Variants in SLC30A4 observed in about 807,000 individuals in gnomAD.
SLC30A4 encodes probable proton-coupled zinc antiporter SLC30A4.
A neutral mutation model predicts 41.7 loss-of-function variants in SLC30A4; 20 were observed. The observed-to-expected ratio is 0.48, with a 90% CI of 0.34 to 0.70. The LOEUF is 0.70. SLC30A4 is among the 30% of genes least tolerant of loss of function. The pLI is 0.01. For synonymous variants in SLC30A4, 181 were observed against 195.9 expected (o/e 0.92, Z 0.64); for missense variants, 441 against 529.3 (o/e 0.83, Z 1.64).
rs759081795 is a variant in SLC30A4, at chr15:45,488,972, T to C, written c.763A>G (p.Thr255Ala). The change falls in exon 5 of 8, where the codon ACC becomes GCC. Residue 255 changes from threonine to alanine, a missense_variant. By Grantham distance (58) the Thr-to-Ala change is moderately conservative (BLOSUM62 0). Around this residue, in one of 3 missense-constraint regions of SLC30A4, gnomAD observed 312 missense variants for 341.9 expected, o/e 0.91. Coordinates refer to ENST00000261867, the MANE Select transcript of SLC30A4 (RefSeq NM_013309.6). ...TTACGTTCACACCCAGAACCTCTGG[T>C]AGGGGAATTTGAAGGCAGGGAGTGG... ...HSHSLPSNSP[T>A]RGSGCERNHG... 1 of 1,613,938 alleles carries C rather than the reference T, an allele frequency of 6.2e-7. No individual in the cohort carries two copies. Among genetic ancestry groups the C allele is most frequent in the South Asian group, 1.1e-5 (1 of 91,078 alleles).
intron 3 of SLC30A4, chr15:45,502,647 G>A (rs1478953670): frequency 6.6e-6 from 1 of 152,542 alleles, no homozygotes; most frequent in Non-Finnish European, 1.5e-5. Context: ...CTCCCAAAGT[G>A]CTGCAATTAG....
rs1891611505 is a variant in SLC30A4, at chr15:45,482,116, T to C, written c.*3047A>G. ...ACAAAGGTTTGCAGTGTTTCTGTAT[T>C]TTACAAAAGGATTCTTTTTGGCTGG... On this transcript the variant is annotated 3_prime_UTR_variant, in exon 8 of 8. Transcript: ENST00000261867. 6.6e-6 allele frequency: 1 copy of C among 150,600 alleles called. No individual in the cohort carries two copies. The highest frequency in any genetic ancestry group is 1.9e-4 in the East Asian group (1 of 5,208). The allele number at this position is 150,600 out of a possible 1,614,324, so 9.3% of individuals were successfully genotyped here.
chr15:45,500,646 ATCT>A (rs761340957), intron 3 of SLC30A4, among the ~76,000 whole-genome samples: 1 of 135,138 alleles, frequency 7.4e-6, no homozygotes, highest in African/African-American at 3.8e-5. Context: ...CTATCTATCT[ATCT>A]ATCTATCTAT....
rs1369155918 is a variant in SLC30A4, at chr15:45,481,701, GGA to G, written c.*3460_*3461del. On this transcript the variant is annotated 3_prime_UTR_variant, in exon 8 of 8. Coordinates refer to ENST00000261867, the MANE Select transcript of SLC30A4 (RefSeq NM_013309.6). ...GCATGGTTGTAGCTCAACAAGTGAA[GGA>G]TAGACCAAACGCTTTTTGTCAGAAG... The G allele has an allele frequency of 1.6e-4, 25 of 152,150 alleles. No homozygotes were observed. The highest frequency in any genetic ancestry group is 5.8e-4 in the African/African-American group (24 of 41,438). 9.4% of individuals were successfully genotyped at this position (152,150 alleles called of 1,614,324 possible).
chr15:45,521,539 T>TAA lies in SLC30A4; in HGVS notation c.391+423_391+424dup, dbSNP rs554242164. ...TTTGTGCCCTGGAAATCCTTACATGTAAAAAAAAAAAGGAGGTGGAGCAGG... is the reference window on the plus strand; with the variant it reads ...TTTGTGCCCTGGAAATCCTTACATGTAAAAAAAAAAAAAGGAGGTGGAGCAGG... On this transcript the variant is annotated intron_variant, in intron 2 of 7. Coordinates refer to ENST00000261867, the MANE Select transcript of SLC30A4 (RefSeq NM_013309.6). Among the ~76,000 whole-genome samples, 667 of 144,934 alleles carry TAA rather than the reference T, an allele frequency of 4.6e-3. 3 individuals are homozygous for TAA. Among genetic ancestry groups the TAA allele is most frequent in the African/African-American group, 0.016 (644 of 40,124 alleles).
intron 3 of SLC30A4, among the ~76,000 whole-genome samples, chr15:45,494,243 A>T (rs912696075): frequency 2.0e-5 from 3 of 152,216 alleles, no homozygotes; most frequent in Admixed American, 2.0e-4. Context: ...TAAGAAAATG[A>T]AGCTAAATAT....
intron 1 of SLC30A4, 66 bp downstream of exon 1, chr15:45,522,541 G>A (rs541690390): frequency 1.1e-4 from 66 of 578,982 alleles, no homozygotes; most frequent in African/African-American, 9.5e-4. Flanking sequence ...CGCTGGCGGC[G>A]GGTCGCAGGG....
In SLC30A4 at chr15:45,485,149, CAAAATACATAA is replaced by C. The variant is rs1196557451; in HGVS notation, c.*3_*13del. The C allele has an allele frequency of 5.0e-6, 8 of 1,605,658 alleles. No homozygotes were observed. The African/African-American group carries it at 1.1e-4, about 22-fold the overall frequency. On this transcript the variant is annotated 3_prime_UTR_variant, in exon 8 of 8. Transcript: ENST00000261867. ...GCAGGATAAATAAGGCAGGAGTTCC[CAAAATACATAA>C]AATTAGGGACTAGAACTCTGACAAT... is the stretch of plus-strand genomic sequence containing the variant.
At chr15:45,494,930 G>A (rs1263367670) in intron 3 of SLC30A4, among the ~76,000 whole-genome samples, 1 of 151,998 alleles carries the variant, frequency 6.6e-6, no homozygotes, top group Non-Finnish European at 1.5e-5. Context: ...AAGCTGAGGG[G>A]GGAGGATCAC....
intron 3 of SLC30A4, among the ~76,000 whole-genome samples, chr15:45,500,002 T>G (rs529915457): frequency 6.6e-6 from 1 of 152,334 alleles, no homozygotes; most frequent in South Asian, 2.1e-4. Flanking sequence ...TTTGCTAAAA[T>G]GAACTGTTAC....
intron 3 of SLC30A4, among the ~76,000 whole-genome samples, chr15:45,509,713 A>G: frequency 6.6e-6 from 1 of 152,162 alleles, no homozygotes; most frequent in Non-Finnish European, 1.5e-5. Flanking sequence ...ATCACCATTT[A>G]GGTACAGTGT....
intron 3 of SLC30A4, among the ~76,000 whole-genome samples, chr15:45,499,301 T>G (rs1256051250): frequency 1.3e-5 from 2 of 152,102 alleles, no homozygotes; most frequent in African/African-American, 4.8e-5. Context: ...CTCAATCTCC[T>G]GACCTCGTGA....
chr15:45,491,384 C>A (rs568989323), intron 3 of SLC30A4, among the ~76,000 whole-genome samples: 1 of 152,196 alleles, frequency 6.6e-6, no homozygotes, highest in African/African-American at 2.4e-5. Context: ...ATATTTGTCA[C>A]GTATGTGATC....
At chr15:45,516,117 T>A (rs1892465230) in intron 2 of SLC30A4, among the ~76,000 whole-genome samples, 1 of 152,194 alleles carries the variant, frequency 6.6e-6, no homozygotes, top group South Asian at 2.1e-4. Flanking sequence ...CGTGATCTTT[T>A]ATCTCTGAGT....
intron 3 of SLC30A4, among the ~76,000 whole-genome samples, chr15:45,496,822 C>A (rs1331546230): frequency 6.7e-6 from 1 of 148,154 alleles, no homozygotes; most frequent in Non-Finnish European, 1.5e-5. Context: ...ATGGTGAAAT[C>A]CCATCTCTGA....
In SLC30A4 at chr15:45,522,064, G is replaced by A. The variant is rs773319149; in HGVS notation, c.291C>T (p.Asn97=). 4.3e-6 allele frequency: 7 copies of A among 1,614,188 alleles called. No homozygotes were observed. Among genetic ancestry groups the A allele is most frequent in the Non-Finnish European group, 5.9e-6 (7 of 1,180,026 alleles). The change falls in exon 2 of 8, where the codon AAC becomes AAT. Residue 97 remains asparagine (N), a synonymous_variant. Transcript: ENST00000261867. The part of the protein sequence containing the change: ...QLSLKVDSCD[N]CSKQREILKQ... ...TCAGTATCTCTCTCTGTTTGCTGCA[G>A]TTGTCACAGGAGTCCACCTTCAAAC...
At chr15:45,504,496 A>C (rs1892108144) in intron 3 of SLC30A4, among the ~76,000 whole-genome samples, 1 of 152,212 alleles carries the variant, frequency 6.6e-6, no homozygotes, top group Non-Finnish European at 1.5e-5. Flanking sequence ...TTTTATCGCT[A>C]ACACCTAAAA....
chr15:45,513,849 G>A (rs1892375403), intron 2 of SLC30A4: 1 of 152,128 alleles, frequency 6.6e-6, no homozygotes, highest in South Asian at 2.1e-4. Flanking sequence ...TTCCCTAAAG[G>A]ACGTGCAAGG....
chr15:45,485,021 G>C lies in SLC30A4; in HGVS notation c.*142C>G, dbSNP rs1891669531. 3.2e-6 allele frequency: 2 copies of C among 629,516 alleles called. No homozygotes were observed. The highest frequency in any genetic ancestry group is 1.9e-5 in the African/African-American group (1 of 53,636). 39.0% of individuals were successfully genotyped at this position (629,516 alleles called of 1,614,324 possible). On this transcript the variant is annotated 3_prime_UTR_variant, in exon 8 of 8. Coordinates refer to ENST00000261867, the MANE Select transcript of SLC30A4 (RefSeq NM_013309.6). ...ATTAAACAGAGACTAGCACTGTCAG[G>C]CTGGGGCAACTGTTTGAGAGACTGA...
Sources: gnomAD v4.1 joint callset for allele counts (sites outside exome capture counted in the v4.1 genomes callset) on GRCh38, gnomAD v4.1.1 for gene constraint, gnomAD v4.1.1 regional missense constraint, MANE v1.5 for transcripts, NCBI Gene and HGNC (gene_info 2026-07-23, HGNC 2026-07-21) for gene names.